DCAF6: variants seen among roughly 807,000 people sequenced by gnomAD.
DCAF6 encodes DDB1 and CUL4 associated factor 6.
A neutral mutation model predicts 125.1 loss-of-function variants in DCAF6; 54 were observed. The ratio of observed to expected loss-of-function variants is 0.43; its 90% confidence interval spans 0.35 to 0.54. The LOEUF is 0.54. Ranked by LOEUF, DCAF6 falls within the 20% of genes least tolerant of loss-of-function variation. The pLI is 0.01. For synonymous variants in DCAF6, 371 were observed against 390.4 expected (o/e 0.95, Z 0.58); for missense variants, 934 against 1,161.7 (o/e 0.80, Z 2.85).
chr1:167,924,722 C>T, the DCAF6 span, among the ~76,000 whole-genome samples: 5 of 152,116 alleles, frequency 3.3e-5, no homozygotes, highest in African/African-American at 1.2e-4. Context: ...TATCACAGTA[C>T]AGTTGACCCT....
At chr1:168,069,704 T>C (rs1226711399) in intron 21 of DCAF6, among the ~76,000 whole-genome samples, 3 of 152,072 alleles carry the variant, frequency 2.0e-5, no homozygotes, top group Non-Finnish European at 4.4e-5. Context: ...ATATTAACTT[T>C]TACCAGGAAA....
chr1:167,977,226 T>A (rs980456897), intron 4 of DCAF6, among the ~76,000 whole-genome samples: 1 of 150,964 alleles, frequency 6.6e-6, no homozygotes, highest in Admixed American at 6.6e-5. Context: ...TTTTTTTTTT[T>A]ACATGAGAGT....
the DCAF6 span, among the ~76,000 whole-genome samples, chr1:167,891,262 T>A: frequency 1.3e-5 from 2 of 151,588 alleles, no homozygotes; most frequent in Admixed American, 1.3e-4. Flanking sequence ...GCTTGGCTCA[T>A]CTAACATTTA....
chr1:167,952,841 A>G (rs1674181114), intron 2 of DCAF6, among the ~76,000 whole-genome samples: 1 of 152,192 alleles, frequency 6.6e-6, no homozygotes. Context: ...AGCAGATCCA[A>G]AACAGAGCTC....
the DCAF6 span, among the ~76,000 whole-genome samples, chr1:167,877,024 C>T: frequency 6.6e-6 from 1 of 151,966 alleles, no homozygotes; most frequent in South Asian, 2.1e-4. Context: ...ACAAGATCAA[C>T]CAAATCCAGC....
chr1:168,012,316 G>T (rs1001042064), intron 10 of DCAF6, among the ~76,000 whole-genome samples: 2 of 152,194 alleles, frequency 1.3e-5, no homozygotes, highest in African/African-American at 2.4e-5. Context: ...TGTCTCACTG[G>T]AATTAAGTCA....
Position 168,002,652 on chromosome 1 carries a change from T to C in DCAF6, c.997+77T>C. 2.7e-6 allele frequency: 3 copies of C among 1,092,074 alleles called. No homozygotes were observed. The South Asian group carries it at 4.3e-5, about 16-fold the overall frequency. The allele number at this position is 1,092,074 out of a possible 1,614,324, so 67.6% of individuals were successfully genotyped here. A position where few individuals can be genotyped will look rare whatever the true frequency, so the allele number is the denominator to read the frequency against. The stretch of plus-strand genomic sequence containing the variant: ...ATTTTAACTTCCAGTTTCTTCACTA[T>C]TATAAATTATTCTGTAATGAACATT... On this transcript the variant is annotated intron_variant, in intron 8 of 21. Transcript: ENST00000367840.
chr1:167,908,762 T>C, the DCAF6 span, among the ~76,000 whole-genome samples: 1 of 152,226 alleles, frequency 6.6e-6, no homozygotes, highest in Admixed American at 6.5e-5. Flanking sequence ...GCTAGGATTT[T>C]AATACATCTT....
At chr1:167,874,447 A>T in the DCAF6 span, among the ~76,000 whole-genome samples, 1 of 152,256 alleles carries the variant, frequency 6.6e-6, no homozygotes, top group African/African-American at 2.4e-5. Context: ...TACACCCAAC[A>T]GAATTATTGA....
chr1:168,044,445 G>A (rs1688910438), intron 14 of DCAF6, 140 bp from the exon 15 acceptor site: 1 of 643,384 alleles, frequency 1.6e-6, no homozygotes, highest in Admixed American at 2.7e-5. Context: ...GTATAAGGAA[G>A]GGTATGCATA....
chr1:167,904,994 T>G, the DCAF6 span: 153 of 1,614,086 alleles, frequency 9.5e-5, no homozygotes, highest in Non-Finnish European at 1.2e-4. Flanking sequence ...TGCACTTGCC[T>G]GAAATATCAA....
the DCAF6 span, among the ~76,000 whole-genome samples, chr1:167,921,205 A>T: frequency 1.3e-5 from 2 of 151,826 alleles, no homozygotes; most frequent in African/African-American, 4.8e-5. Context: ...AGAAAAACTT[A>T]TAATTTTAGT....
At chr1:167,920,798 A>T in the DCAF6 span, among the ~76,000 whole-genome samples, 3 of 152,240 alleles carry the variant, frequency 2.0e-5, no homozygotes, top group African/African-American at 7.2e-5. Flanking sequence ...AAGCACAATG[A>T]ATTAAAAAAC....
At chr1:167,935,041 T>G (rs776065626), upstream of DCAF6, among the ~76,000 whole-genome samples, 2 of 152,204 alleles carry the variant, frequency 1.3e-5, no homozygotes, top group African/African-American at 4.8e-5. Flanking sequence ...GTCATTCTCA[T>G]AGACCGCGTA....
chr1:167,925,397 AATAT>A, the DCAF6 span, among the ~76,000 whole-genome samples: 2 of 143,184 alleles, frequency 1.4e-5, no homozygotes, highest in East Asian at 4.1e-4. Context: ...TTATTACCCT[AATAT>A]ATATGTATGT....
upstream of DCAF6, among the ~76,000 whole-genome samples, chr1:167,932,863 C>G (rs1234883926): frequency 6.8e-6 from 1 of 146,124 alleles, no homozygotes; most frequent in Non-Finnish European, 1.5e-5. Context: ...CACTGGGCAA[C>G]ATAACTTCAA....
At chr1:167,912,974 T>G in the DCAF6 span, among the ~76,000 whole-genome samples, 1 of 152,244 alleles carries the variant, frequency 6.6e-6, no homozygotes, top group African/African-American at 2.4e-5. Flanking sequence ...TATATCATGC[T>G]ATATCCCATT....
At chr1:167,948,134 C>CT (rs34716266) in intron 1 of DCAF6, among the ~76,000 whole-genome samples, 3,319 of 132,814 alleles carry the variant, frequency 0.025, 109 homozygotes, top group African/African-American at 0.075. Flanking sequence ...TTTCTTAGTC[C>CT]TTTTTTTTTT....
At chr1:168,022,658 G>T (rs1219352803) in intron 11 of DCAF6, among the ~76,000 whole-genome samples, 1 of 146,708 alleles carries the variant, frequency 6.8e-6, no homozygotes, top group Non-Finnish European at 1.5e-5. Context: ...TTTGAGAAGG[G>T]CAAGGAGTCT....
Sources: allele counts gnomAD v4.1 joint callset (sites outside exome capture counted in the v4.1 genomes callset), GRCh38; gene constraint gnomAD v4.1.1; transcripts MANE v1.5; gene names NCBI Gene and HGNC (gene_info 2026-07-23, HGNC 2026-07-21).